Variants in BACH1 observed in about 807,000 individuals in gnomAD.
BACH1 encodes BTB domain and CNC homolog 1, also known as transcription regulator protein BACH1.
BACH1 carries 35 observed loss-of-function variants against 52.9 expected under a neutral mutation model. The ratio of observed to expected loss-of-function variants is 0.66; its 90% CI spans 0.51 to 0.88. The LOEUF (loss-of-function observed/expected upper bound fraction) is 0.88. Ranked by LOEUF, BACH1 falls within the 40% of genes least tolerant of loss-of-function variation. The pLI is 0.00. For synonymous variants in BACH1, 321 were observed against 319.6 expected (o/e 1.00, Z -0.05); for missense variants, 808 against 872.6 (o/e 0.93, Z 0.93).
chr21:29,334,112 T>C (rs1601362093), intron 4 of BACH1, among the ~76,000 whole-genome samples: 2 of 147,936 alleles, frequency 1.4e-5, no homozygotes, highest in Admixed American at 1.3e-4. Context: ...ATTTTTTTTA[T>C]TTTTTTTTTT....
chr21:29,338,704 G>A (rs764684202), intron 4 of BACH1, among the ~76,000 whole-genome samples: 17 of 152,146 alleles, frequency 1.1e-4, no homozygotes, highest in Non-Finnish European at 2.4e-4. Context: ...AATGTAAAAC[G>A]TTTATATGGT....
chr21:29,310,610 T>G (rs1153283), intron 1 of BACH1, among the ~76,000 whole-genome samples: 20 of 152,238 alleles, frequency 1.3e-4, no homozygotes, highest in Admixed American at 2.0e-4. Flanking sequence ...GGTCCAGATG[T>G]GTTCACCTAG....
In BACH1 at chr21:29,326,542, C is replaced by T. The variant is rs368476331; in HGVS notation, c.718C>T (p.Arg240Cys). Reference protein sequence around the residue: ...FQKAFGTDRVRTGESSVKDIH... With the variant: ...FQKAFGTDRVCTGESSVKDIH... ...AAAAGCATTTGGAACTGACAGAGTC[C>T]GTACTGGGGAATCTAGTGTCAAAGA... is the stretch of plus-strand genomic sequence containing the variant. The change falls in exon 3 of 5, where the codon CGT becomes TGT. Residue 240 changes from arginine to cysteine, a missense_variant. Physicochemically the swap from Arg to Cys is radical, Grantham distance 180. Transcript: ENST00000286800. 21 of 1,614,026 alleles carry T rather than the reference C, an allele frequency of 1.3e-5. No individual in the cohort carries two copies. The highest frequency in any genetic ancestry group is 6.7e-5 in the East Asian group (3 of 44,894).
At chr21:29,325,194 C>T (rs921867412) in intron 2 of BACH1, among the ~76,000 whole-genome samples, 1 of 152,030 alleles carries the variant, frequency 6.6e-6, no homozygotes, top group Non-Finnish European at 1.5e-5. Context: ...CGCGCCACTG[C>T]ACTCCAGCCT....
In BACH1 at chr21:29,326,718, G is replaced by A; in HGVS notation, c.894G>A (p.Gln298=). ...AAACGAAGAAAGATCCTGCTTCTCA[G>A]TGCCCAACTGAAAAATCAGAAGTGA... is the stretch of plus-strand genomic sequence containing the variant. ...PEETKKDPAS[Q]CPTEKSEVTP... The change falls in exon 3 of 5, where the codon CAG becomes CAA. Residue 298 remains glutamine, a synonymous_variant. Transcript: ENST00000286800. 5.0e-6 allele frequency: 8 copies of A among 1,614,122 alleles called. No homozygotes were observed. The highest frequency in any genetic ancestry group is 6.8e-6 in the Non-Finnish European group (8 of 1,180,032).
At chr21:29,323,335 G>T (rs547484581) in intron 2 of BACH1, among the ~76,000 whole-genome samples, 1 of 152,246 alleles carries the variant, frequency 6.6e-6, no homozygotes, top group South Asian at 2.1e-4. Context: ...GAGTCCAAAG[G>T]CCTCAAAAGT....
intron 2 of BACH1, among the ~76,000 whole-genome samples, chr21:29,357,164 T>C (rs1297559320): frequency 6.6e-6 from 1 of 152,240 alleles, no homozygotes; most frequent in Non-Finnish European, 1.5e-5. Context: ...CCTTTCCCAG[T>C]TCTAAGGCTC....
intron 4 of BACH1, among the ~76,000 whole-genome samples, chr21:29,330,163 ATCTTT>A (rs1481501486): frequency 2.6e-5 from 4 of 151,936 alleles, no homozygotes; most frequent in South Asian, 2.1e-4. Flanking sequence ...TTGCTTTTGA[ATCTTT>A]TCTTTTTCTT....
At position 29,312,411 on chromosome 21, in the gene BACH1, C is replaced by G. The variant is rs951904633; in HGVS notation, c.-60-8810C>G. On this transcript the variant is annotated intron_variant, in intron 1 of 4. Coordinates refer to ENST00000286800, the MANE Select transcript of BACH1 (RefSeq NM_001186.4). The stretch of plus-strand genomic sequence containing the variant: ...TGAGGATACCCACTGTCACCACTCT[C>G]ACTATTCGGTCATTGCAATAAGGGA... Among the ~76,000 whole-genome samples, 49 of 152,252 alleles carry G rather than the reference C, an allele frequency of 3.2e-4. 1 individual carries two copies. Among genetic ancestry groups the G allele is most frequent in the African/African-American group, 1.2e-3 (49 of 41,542 alleles).
chr21:29,353,697 G>C (rs1411073064), intron 2 of BACH1, among the ~76,000 whole-genome samples: 1 of 152,164 alleles, frequency 6.6e-6, no homozygotes, highest in Non-Finnish European at 1.5e-5. Flanking sequence ...CTTAATCTTA[G>C]TGAGGGGGGC....
intron 1 of BACH1, 52 bp downstream of exon 1, chr21:29,299,005 C>G (rs1381308998): frequency 1.3e-5 from 2 of 151,664 alleles, no homozygotes; most frequent in African/African-American, 4.9e-5. Flanking sequence ...TTGGCGCGGT[C>G]AGGGCCGCGG....
intron 2 of BACH1, among the ~76,000 whole-genome samples, chr21:29,357,839 G>A (rs1349291344): frequency 6.6e-6 from 1 of 152,086 alleles, no homozygotes; most frequent in African/African-American, 2.4e-5. Flanking sequence ...CAGACTTCAG[G>A]GTTGATTCCC....
intron 2 of BACH1, among the ~76,000 whole-genome samples, 199 bp from the exon 3 acceptor site, chr21:29,325,860 T>G (rs893382962): frequency 6.6e-6 from 1 of 152,230 alleles, no homozygotes; most frequent in South Asian, 2.1e-4. Context: ...TAGTGTGTGG[T>G]CCCTGTGAAA....
chr21:29,357,064 T>A (rs993522396), intron 2 of BACH1, among the ~76,000 whole-genome samples: 7 of 152,198 alleles, frequency 4.6e-5, no homozygotes, highest in African/African-American at 1.7e-4. Flanking sequence ...CCCCCAGAGG[T>A]TAGTAACTCC....
At chr21:29,327,574 T>C (rs1601356459) in intron 3 of BACH1, among the ~76,000 whole-genome samples, 181 bp downstream of exon 3, 1 of 152,188 alleles carries the variant, frequency 6.6e-6, no homozygotes, top group East Asian at 1.9e-4. Flanking sequence ...CAACTGTTAA[T>C]TCCAGCACTT....
At chr21:29,322,743 G>A (rs1012934255) in intron 2 of BACH1, among the ~76,000 whole-genome samples, 4 of 152,200 alleles carry the variant, frequency 2.6e-5, no homozygotes, top group South Asian at 2.1e-4. Context: ...GCCTACTTCT[G>A]TGAAACTGCA....
At chr21:29,327,824 A>AT (rs1447132406) in intron 3 of BACH1, among the ~76,000 whole-genome samples, 1 of 152,194 alleles carries the variant, frequency 6.6e-6, no homozygotes, top group Non-Finnish European at 1.5e-5. Context: ...GTCTCAAAAA[A>AT]TTTTTTAAAA....
rs2089145679 is a variant in BACH1 at position 29,344,239 on chromosome 21, T to G, written c.*1406T>G. On this transcript the variant is annotated 3_prime_UTR_variant, in exon 5 of 5. Coordinates refer to ENST00000286800, the MANE Select transcript of BACH1 (RefSeq NM_001186.4). Reference sequence around the variant, plus strand: ...CAGTTTTAATGGTACAGAGGAGTAGTTTATAGTGTTGATTTCACCAAAATC... The same window carrying G: ...CAGTTTTAATGGTACAGAGGAGTAGGTTATAGTGTTGATTTCACCAAAATC... 1 of 152,592 alleles carries G rather than the reference T, an allele frequency of 6.6e-6. No homozygotes were observed. The highest frequency in any genetic ancestry group is 1.9e-4 in the East Asian group (1 of 5,202). 9.5% of individuals were successfully genotyped at this position (152,592 alleles called of 1,614,324 possible).
At chr21:29,305,301 A>G (rs1314705755) in intron 1 of BACH1, 5 of 152,168 alleles carry the variant, frequency 3.3e-5, no homozygotes, top group Non-Finnish European at 7.4e-5. Context: ...AGTCAAAGGA[A>G]ATGCTGCTTG....
Sources: allele counts gnomAD v4.1 joint callset (sites outside exome capture counted in the v4.1 genomes callset), GRCh38; gene constraint gnomAD v4.1.1; transcripts MANE v1.5; gene names NCBI Gene and HGNC (gene_info 2026-07-23, HGNC 2026-07-21).